Variants in CHN1 observed in about 807,000 individuals in gnomAD.
CHN1 encodes the protein N-chimaerin.
In CHN1, 37 loss-of-function variants were observed where a neutral mutation model predicts 59.5. The ratio of observed to expected loss-of-function variants is 0.62; its 90% CI spans 0.48 to 0.82. The LOEUF is 0.82. Among genes scored for constraint, CHN1 ranks in the 40% least tolerant of loss-of-function variants. The probability of loss-of-function intolerance (pLI) is 0.00; values close to 1 mark genes in which losing one functional copy is unlikely to be tolerated. For missense variants in CHN1, 469 were observed against 571.0 expected, an observed-to-expected ratio of 0.82 and a Z score of 1.82; for synonymous variants, 206 against 200.4, an observed-to-expected ratio of 1.03 and a Z score of -0.24.
chr2:174,817,805 T>C (rs1031455952), intron 8 of CHN1, among the ~76,000 whole-genome samples: 5 of 152,064 alleles, frequency 3.3e-5, no homozygotes, highest in Non-Finnish European at 7.4e-5. Flanking sequence ...GCCTGGCTAA[T>C]TTTTTATATT....
At chr2:174,988,039 T>C (rs1691405363) in intron 1 of CHN1, among the ~76,000 whole-genome samples, 1 of 152,020 alleles carries the variant, frequency 6.6e-6, no homozygotes, top group African/African-American at 2.4e-5. Context: ...AATGAGACTT[T>C]CCAAGTATGA....
chr2:174,973,072 AGTT>A (rs1215525245), intron 1 of CHN1, among the ~76,000 whole-genome samples: 1 of 152,182 alleles, frequency 6.6e-6, no homozygotes, highest in Admixed American at 6.5e-5. Flanking sequence ...TGAACTCTTC[AGTT>A]GTTCAACCAC....
At chr2:174,801,861 G>T in intron 11 of CHN1, 49 bp from the exon 12 acceptor site, 1 of 1,297,260 alleles carries the variant, frequency 7.7e-7, no homozygotes, top group Non-Finnish European at 1.1e-6. Context: ...ACACAAAACT[G>T]ATACAAATGG....
intron 1 of CHN1, among the ~76,000 whole-genome samples, chr2:174,960,215 T>C (rs573385980): frequency 1.6e-4 from 24 of 152,342 alleles, no homozygotes; most frequent in African/African-American, 4.1e-4. Flanking sequence ...TAGAAATTCA[T>C]TGTAAACAAT....
At chr2:174,983,439 G>T (rs1167174338) in intron 1 of CHN1, among the ~76,000 whole-genome samples, 1 of 152,004 alleles carries the variant, frequency 6.6e-6, no homozygotes, top group African/African-American at 2.4e-5. Flanking sequence ...AACCCAGGGA[G>T]GTCCCACATA....
At chr2:174,960,895 G>C (rs1558999254) in intron 1 of CHN1, among the ~76,000 whole-genome samples, 1 of 151,870 alleles carries the variant, frequency 6.6e-6, no homozygotes, top group Non-Finnish European at 1.5e-5. Context: ...GGGAGGCTGA[G>C]GCAGGAGGAT....
At chr2:174,945,470 A>C (rs906257370) in intron 2 of CHN1, among the ~76,000 whole-genome samples, 4 of 152,190 alleles carry the variant, frequency 2.6e-5, no homozygotes, top group Admixed American at 1.3e-4. Flanking sequence ...AACTAGGGCA[A>C]ATATAGCAAA....
At chr2:174,956,221 AC>A (rs1304094404) in intron 1 of CHN1, among the ~76,000 whole-genome samples, 1 of 152,180 alleles carries the variant, frequency 6.6e-6, no homozygotes, top group Non-Finnish European at 1.5e-5. Context: ...AAAAATAACA[AC>A]CCCAAATTTT....
At chr2:174,812,607 C>G in intron 8 of CHN1, 125 bp from the exon 9 acceptor site, 1 of 738,520 alleles carries the variant, frequency 1.4e-6, no homozygotes. Flanking sequence ...TAGACTCCAG[C>G]AGTTCTTTCT....
At chr2:174,846,854 A>G in intron 7 of CHN1, 26 bp downstream of exon 7, 1 of 1,525,912 alleles carries the variant, frequency 6.6e-7, no homozygotes, top group Non-Finnish European at 8.8e-7. Flanking sequence ...TGCATTTCTT[A>G]AAAGACTAAA....
intron 6 of CHN1, among the ~76,000 whole-genome samples, chr2:174,862,773 G>C (rs1558957157): frequency 6.6e-6 from 1 of 152,164 alleles, no homozygotes; most frequent in Non-Finnish European, 1.5e-5. Flanking sequence ...AAAAGAGAAA[G>C]TTAGGTTCAC....
intron 7 of CHN1, among the ~76,000 whole-genome samples, chr2:174,834,344 C>G (rs1208797661): frequency 4.6e-5 from 7 of 152,268 alleles, no homozygotes. Context: ...CCCATGCTTA[C>G]TATTACTTCT....
chr2:174,935,984 A>G (rs1409657910), intron 3 of CHN1, among the ~76,000 whole-genome samples: 1 of 152,162 alleles, frequency 6.6e-6, no homozygotes, highest in Non-Finnish European at 1.5e-5. Flanking sequence ...ACCAAAATAC[A>G]TACTCAGTAT....
chr2:174,934,079 A>T (rs1193624), intron 3 of CHN1, among the ~76,000 whole-genome samples: 2 of 151,932 alleles, frequency 1.3e-5, no homozygotes, highest in African/African-American at 4.8e-5. Flanking sequence ...TTCTACAGAC[A>T]GGGGTCAGAG....
chr2:174,844,578 G>A (rs956220321), intron 7 of CHN1, among the ~76,000 whole-genome samples: 1 of 152,150 alleles, frequency 6.6e-6, no homozygotes, highest in Non-Finnish European at 1.5e-5. Context: ...GAAATGCTAC[G>A]GTTTTTCCCC....
intron 1 of CHN1, among the ~76,000 whole-genome samples, chr2:174,980,882 G>A (rs1691126926): frequency 6.6e-6 from 1 of 152,120 alleles, no homozygotes; most frequent in Non-Finnish European, 1.5e-5. Context: ...AAGATAGTTT[G>A]CAACTAAACA....
rs1475164570 is a variant in CHN1, at chr2:174,812,026, ATGAATT to A, written c.886+277_886+282del. 1.3e-4 allele frequency: 40 copies of A among 312,098 alleles called. No individual in the cohort carries two copies. The East Asian group carries it at 2.0e-3, about 15-fold the overall frequency. 19.3% of individuals were successfully genotyped at this position (312,098 alleles called of 1,614,324 possible). A position where few individuals can be genotyped will look rare whatever the true frequency, so the allele number is the denominator to read the frequency against. On this transcript the variant is annotated intron_variant, in intron 9 of 12. Coordinates refer to ENST00000409900, the MANE Select transcript of CHN1 (RefSeq NM_001822.7). ...CAAAGAAAAATTTAAAAACTGAAAA[ATGAATT>A]TGTCTTTACCTGTCAACTTTTGCAG...
chr2:174,819,938 G>A (rs1411782668), intron 8 of CHN1, among the ~76,000 whole-genome samples: 1 of 150,374 alleles, frequency 6.7e-6, no homozygotes, highest in African/African-American at 2.5e-5. Context: ...CCTTGCGATA[G>A]TTTACTGAGA....
At chr2:174,930,796 G>A (rs902460419) in intron 3 of CHN1, among the ~76,000 whole-genome samples, 5 of 150,302 alleles carry the variant, frequency 3.3e-5, no homozygotes, top group Admixed American at 6.6e-5. Context: ...ACGGAGTCTC[G>A]CTCTGCCTCC....
Sources: gnomAD v4.1 joint callset for allele counts (sites outside exome capture counted in the v4.1 genomes callset) on GRCh38, gnomAD v4.1.1 for gene constraint, MANE v1.5 for transcripts, NCBI Gene and HGNC (gene_info 2026-07-23, HGNC 2026-07-21) for gene names.